The following ALMS1 variants were observed in gnomAD, a reference collection of about 807,000 sequenced individuals.
ALMS1 encodes ALMS1 centrosome and basal body associated protein.
In ALMS1, 271 loss-of-function variants were observed where a neutral mutation model predicts 352.2. The ratio of observed to expected loss-of-function variants is 0.77; its 90% CI spans 0.70 to 0.85. ALMS1 has a LOEUF of 0.85. ALMS1 is among the 40% of genes least tolerant of loss of function. ALMS1 has a pLI of 0.00. For missense variants in ALMS1, 5,445 were observed against 4,870.7 expected, an observed-to-expected ratio of 1.12 and a Z score of -3.51; for synonymous variants, 1,865 against 1,761.2, an observed-to-expected ratio of 1.06 and a Z score of -1.48.
chr2:73,477,494 G>GA lies in ALMS1; in HGVS notation c.7675-12130dup, dbSNP rs913674971. ...GTTTATGATCTGCTTGTCAATTACT[G>GA]AAAAAAAAAAGGCTAGGCTTTTAAT... On this transcript the variant is annotated intron_variant, in intron 9 of 22. Coordinates refer to ENST00000613296, the MANE Select transcript of ALMS1 (RefSeq NM_001378454.1). 8.8e-4 allele frequency among the ~76,000 whole-genome samples: 127 copies of GA among 143,816 alleles called. 1 individual carries two copies. The highest frequency in any genetic ancestry group is 3.1e-3 in the South Asian group (14 of 4,580). The allele number at this position is 143,816 out of a possible 152,430, so 94.3% of individuals were successfully genotyped here. A position where few individuals can be genotyped will look rare whatever the true frequency, so the allele number is the denominator to read the frequency against.
At chr2:73,442,979 G>C (rs1671746592) in intron 7 of ALMS1, among the ~76,000 whole-genome samples, 1 of 152,118 alleles carries the variant, frequency 6.6e-6, no homozygotes, top group Non-Finnish European at 1.5e-5. Context: ...CTACTTATTA[G>C]CCAAGCTAGA....
chr2:73,538,497 G>A (rs1674082191), intron 12 of ALMS1, among the ~76,000 whole-genome samples: 1 of 152,132 alleles, frequency 6.6e-6, no homozygotes, highest in South Asian at 2.1e-4. Context: ...TCCAACTGAG[G>A]TACTGGGTTC....
chr2:73,476,609 A>G (rs1460779309), intron 9 of ALMS1, among the ~76,000 whole-genome samples: 1 of 151,400 alleles, frequency 6.6e-6, no homozygotes, highest in Non-Finnish European at 1.5e-5. Flanking sequence ...AATAATGGCT[A>G]TTCTAACAGG....
At chr2:73,488,322 G>A (rs1039304292) in intron 9 of ALMS1, among the ~76,000 whole-genome samples, 2 of 152,226 alleles carry the variant, frequency 1.3e-5, no homozygotes, top group Non-Finnish European at 2.9e-5. Context: ...GCTGTCCCAA[G>A]TGTGCGCACA....
intron 16 of ALMS1, among the ~76,000 whole-genome samples, chr2:73,594,109 C>G (rs1675494906): frequency 6.6e-6 from 1 of 152,212 alleles, no homozygotes; most frequent in South Asian, 2.1e-4. Flanking sequence ...TGGAATTAAT[C>G]ATATGACAAC....
chr2:73,598,111 G>C (rs935832936), intron 16 of ALMS1, among the ~76,000 whole-genome samples: 1 of 152,120 alleles, frequency 6.6e-6, no homozygotes, highest in African/African-American at 2.4e-5. Flanking sequence ...ATTTGGATAA[G>C]GTTGGTTCAA....
intron 7 of ALMS1, among the ~76,000 whole-genome samples, chr2:73,437,540 T>A (rs1230681484): frequency 6.6e-6 from 1 of 152,216 alleles, no homozygotes; most frequent in African/African-American, 2.4e-5. Context: ...CTTTACAGCC[T>A]TTCTCCCATG....
At chr2:73,477,680 A>T (rs1010758369) in intron 9 of ALMS1, among the ~76,000 whole-genome samples, 1 of 152,134 alleles carries the variant, frequency 6.6e-6, no homozygotes, top group African/African-American at 2.4e-5. Flanking sequence ...TATACTAGAC[A>T]TATATTTATT....
intron 9 of ALMS1, among the ~76,000 whole-genome samples, chr2:73,465,193 C>T (rs1672304781): frequency 6.6e-6 from 1 of 151,966 alleles, no homozygotes; most frequent in Non-Finnish European, 1.5e-5. Flanking sequence ...AATCCTAAGC[C>T]AAAAGAACAA....
chr2:73,470,940 A>T (rs1442694514), intron 9 of ALMS1: 1 of 151,862 alleles, frequency 6.6e-6, no homozygotes, highest in Non-Finnish European at 1.5e-5. Context: ...TGCTATCTGC[A>T]TGGAATATAT....
chr2:73,560,485 G>A (rs1674633858), intron 15 of ALMS1, among the ~76,000 whole-genome samples: 2 of 152,144 alleles, frequency 1.3e-5, no homozygotes, highest in Admixed American at 1.3e-4. Context: ...ATATTATGGA[G>A]GTTCCTCAGA....
In ALMS1 at chr2:73,522,066, C is replaced by T. The variant is rs566606298; in HGVS notation, c.9781+2050C>T. Among the ~76,000 whole-genome samples, 8 of 152,232 alleles carry T rather than the reference C, an allele frequency of 5.3e-5. No homozygotes were observed. In the South Asian group the frequency reaches 1.7e-3, roughly 32 times the overall value. ...GCTTTTTTCCTTTCCCGGAAGCAGC[C>T]ATTATTTGCTATGTATTCACTTCTT... On this transcript the variant is annotated intron_variant, in intron 11 of 22. Transcript: ENST00000613296.
intron 11 of ALMS1, among the ~76,000 whole-genome samples, chr2:73,529,039 GTTTTTTTTTTT>G (rs34604396): frequency 5.0e-5 from 5 of 99,512 alleles, no homozygotes; most frequent in African/African-American, 8.1e-5. Context: ...CCTCAAAGCA[GTTTTTTTTTTT>G]TTTTTTTTTT....
intron 9 of ALMS1, among the ~76,000 whole-genome samples, chr2:73,466,450 C>G (rs934323633): frequency 7.7e-6 from 1 of 129,430 alleles, no homozygotes; most frequent in African/African-American, 3.1e-5. Flanking sequence ...CACATGGACA[C>G]AGGAAGGGGA....
chr2:73,591,195 C>T (rs1675425882), intron 16 of ALMS1, among the ~76,000 whole-genome samples: 1 of 152,076 alleles, frequency 6.6e-6, no homozygotes, highest in African/African-American at 2.4e-5. Flanking sequence ...TGTGTTCATG[C>T]TAAAAAAGAT....
At position 73,447,975 on chromosome 2, in the gene ALMS1, G is replaced by C. The variant is rs1462413512; in HGVS notation, c.1448G>C (p.Gly483Ala). 7 of 1,611,548 alleles carry C rather than the reference G, an allele frequency of 4.3e-6. No individual in the cohort carries two copies. In the South Asian group the frequency reaches 7.7e-5, roughly 18 times the overall value. ...TTTTCTTTAGGAGACACTTCTAAAG[G>C]AGGCATAGCTAAAGTTACTCAATCC... ...KHLKAGDTSKGGIAKVTQSNL... is the reference protein window; with the variant it reads ...KHLKAGDTSKAGIAKVTQSNL... Residue 483 changes from glycine to alanine, a missense_variant, in exon 8 of 23, where the codon GGA becomes GCA. Physicochemically the swap from Gly to Ala is moderately conservative, Grantham distance 60. Coordinates refer to ENST00000613296, the MANE Select transcript of ALMS1 (RefSeq NM_001378454.1).
intron 16 of ALMS1, among the ~76,000 whole-genome samples, chr2:73,588,900 A>G (rs1188516663): frequency 6.6e-6 from 1 of 152,186 alleles, no homozygotes; most frequent in Admixed American, 6.5e-5. Context: ...AATTACACTC[A>G]AAAGCAGCAT....
At chr2:73,413,661 A>C (rs1240217647) in intron 2 of ALMS1, among the ~76,000 whole-genome samples, 1 of 152,176 alleles carries the variant, frequency 6.6e-6, no homozygotes, top group Non-Finnish European at 1.5e-5. Context: ...CCGCTTTTTC[A>C]GAAGTTTTGT....
chr2:73,490,370 G>C lies in ALMS1; in HGVS notation c.8411G>C (p.Arg2804Pro), dbSNP rs201252809. 1 of 1,613,338 alleles carries C rather than the reference G, an allele frequency of 6.2e-7. No homozygotes were observed. The highest frequency in any genetic ancestry group is 8.5e-7 in the Non-Finnish European group (1 of 1,179,692). ...QSQKLPVDFE[R>P]SFQEEKPLER... is the part of the protein sequence containing the mutation. ...CAAAAATTACCTGTTGATTTTGAGC[G>C]TTCTTTTCAAGAAGAAAAACCCTTA... is the stretch of plus-strand genomic sequence containing the variant. Residue 2804 changes from arginine (R) to proline (P), a missense_variant, in exon 10 of 23, where the codon CGT (arginine) becomes CCT (proline). Arg to Pro is a moderately radical substitution (Grantham distance 103). Coordinates refer to ENST00000613296, the MANE Select transcript of ALMS1 (RefSeq NM_001378454.1).
Sources: gnomAD v4.1 joint callset for allele counts (sites outside exome capture counted in the v4.1 genomes callset) on GRCh38, gnomAD v4.1.1 for gene constraint, MANE v1.5 for transcripts, NCBI Gene and HGNC (gene_info 2026-07-23, HGNC 2026-07-21) for gene names.